Variants in XKR9 observed in about 807,000 individuals in gnomAD.
XKR9 encodes XK related 9.
A neutral mutation model predicts 32.0 loss-of-function variants in XKR9; 32 were observed. The observed-to-expected ratio is 1.00, with a 90% confidence interval of 0.76 to 1.34. The LOEUF is 1.34. Among genes scored for constraint, XKR9 ranks in the 40% most tolerant of loss-of-function variants. The probability of loss-of-function intolerance (pLI) is 0.00; values close to 1 mark genes in which losing one functional copy is unlikely to be tolerated. For synonymous variants in XKR9, 168 were observed against 143.4 expected, an observed-to-expected ratio of 1.17 and a Z score of -1.22; for missense variants, 546 against 429.7, an observed-to-expected ratio of 1.27 and a Z score of -2.39.
chr8:70,847,385 A>T, the XKR9 span, among the ~76,000 whole-genome samples: 2 of 152,018 alleles, frequency 1.3e-5, no homozygotes, highest in Admixed American at 6.6e-5. Context: ...CTACAACAAG[A>T]AAGTAAATAT....
chr8:70,811,896 A>C, the XKR9 span, among the ~76,000 whole-genome samples: 9 of 152,202 alleles, frequency 5.9e-5, no homozygotes, highest in East Asian at 3.9e-4. Flanking sequence ...TTCTGAAACT[A>C]TTCCAATCAA....
intron 3 of XKR9, among the ~76,000 whole-genome samples, chr8:70,696,102 GT>G (rs1339644751): frequency 6.6e-6 from 1 of 151,314 alleles, no homozygotes; most frequent in Non-Finnish European, 1.5e-5. Context: ...AGATGAGTAG[GT>G]TGCAAAAATT....
chr8:70,672,715 C>T (rs1206260023), intron 1 of XKR9, among the ~76,000 whole-genome samples: 4 of 152,056 alleles, frequency 2.6e-5, no homozygotes, highest in African/African-American at 4.8e-5. Flanking sequence ...TTCTCTACAT[C>T]CTCTGCAGCA....
At chr8:70,929,353 C>A in the XKR9 span, among the ~76,000 whole-genome samples, 158 of 152,226 alleles carry the variant, frequency 1.0e-3, 1 homozygote, top group Middle Eastern at 6.8e-3. Context: ...GAGTATAGAT[C>A]CAGAAAATTT....
the XKR9 span, among the ~76,000 whole-genome samples, chr8:70,971,448 C>A: frequency 6.6e-6 from 1 of 152,074 alleles, no homozygotes; most frequent in South Asian, 2.1e-4. Context: ...TTTTGCTGTG[C>A]AGAAAGTTTT....
At chr8:70,826,340 CA>C in the XKR9 span, among the ~76,000 whole-genome samples, 1 of 152,082 alleles carries the variant, frequency 6.6e-6, no homozygotes, top group African/African-American at 2.4e-5. Flanking sequence ...CTATTATTAG[CA>C]AAAACAAACA....
intron 2 of XKR9, among the ~76,000 whole-genome samples, chr8:70,742,465 T>C (rs1807001780): frequency 6.6e-6 from 1 of 152,250 alleles, no homozygotes; most frequent in African/African-American, 2.4e-5. Context: ...CCTAAAGACT[T>C]TGAATCATAA....
chr8:70,698,314 G>T (rs1198450216), intron 3 of XKR9, among the ~76,000 whole-genome samples: 1 of 151,974 alleles, frequency 6.6e-6, no homozygotes, highest in Non-Finnish European at 1.5e-5. Context: ...TTTCTCTTGT[G>T]GGCATTTAGT....
At chr8:70,712,397 A>G (rs268647) in intron 4 of XKR9, among the ~76,000 whole-genome samples, 13,120 of 152,080 alleles carry the variant, frequency 0.086, 1,156 homozygotes, top group Admixed American at 0.27. Flanking sequence ...AGGCAATTAT[A>G]CTCTGAGGGT....
At chr8:70,776,044 C>A (rs1381626993) in intron 2 of XKR9, among the ~76,000 whole-genome samples, 1 of 152,128 alleles carries the variant, frequency 6.6e-6, no homozygotes, top group Non-Finnish European at 1.5e-5. Context: ...CTGCCCCCAA[C>A]CTGGTCTTTT....
At chr8:71,043,615 A>G in the XKR9 span, among the ~76,000 whole-genome samples, 2 of 152,188 alleles carry the variant, frequency 1.3e-5, no homozygotes, top group Non-Finnish European at 2.9e-5. Flanking sequence ...TGAGTCATGA[A>G]TACCTAGAGT....
intron 3 of XKR9, chr8:70,790,017 T>C (rs1188351274): frequency 6.6e-6 from 1 of 151,380 alleles, no homozygotes; most frequent in Non-Finnish European, 1.5e-5. Flanking sequence ...CTCACTGTGC[T>C]CATTGTCCCA....
intron 2 of XKR9, among the ~76,000 whole-genome samples, chr8:70,775,936 G>A (rs1156698070): frequency 6.6e-6 from 1 of 151,886 alleles, no homozygotes; most frequent in Non-Finnish European, 1.5e-5. Flanking sequence ...TGTCGAGATG[G>A]GGTCTTGCCA....
At chr8:70,681,896 G>A (rs962039940) in intron 3 of XKR9, among the ~76,000 whole-genome samples, 4 of 151,976 alleles carry the variant, frequency 2.6e-5, no homozygotes, top group African/African-American at 9.7e-5. Flanking sequence ...ATTACTTTAA[G>A]TGATTCTACT....
intron 2 of XKR9, among the ~76,000 whole-genome samples, chr8:70,753,738 A>T (rs1204516060): frequency 6.6e-6 from 1 of 151,960 alleles, no homozygotes; most frequent in Non-Finnish European, 1.5e-5. Context: ...AAAACTCTCA[A>T]TAAATTAGGT....
At chr8:70,931,926 C>G in the XKR9 span, among the ~76,000 whole-genome samples, 1 of 152,146 alleles carries the variant, frequency 6.6e-6, no homozygotes, top group African/African-American at 2.4e-5. Context: ...CACTGAGGAT[C>G]ACATTTCAAC....
the XKR9 span, among the ~76,000 whole-genome samples, chr8:70,981,415 C>T: frequency 6.6e-6 from 1 of 152,010 alleles, no homozygotes; most frequent in Non-Finnish European, 1.5e-5. Flanking sequence ...CTTTCTTCTG[C>T]TTGTTCAGTT....
chr8:70,760,934 G>A (rs1200507970), intron 2 of XKR9, among the ~76,000 whole-genome samples: 1 of 152,102 alleles, frequency 6.6e-6, no homozygotes, highest in Non-Finnish European at 1.5e-5. Flanking sequence ...TCATCATTTA[G>A]CTCCCACTTA....
intron 4 of XKR9, among the ~76,000 whole-genome samples, chr8:70,718,719 C>G (rs1806174261): frequency 6.6e-6 from 1 of 152,158 alleles, no homozygotes; most frequent in Non-Finnish European, 1.5e-5. Context: ...TCCAGTCTAT[C>G]ATTGATGAGC....
Sources: gnomAD v4.1 joint callset for allele counts (sites outside exome capture counted in the v4.1 genomes callset) on GRCh38, gnomAD v4.1.1 for gene constraint, MANE v1.5 for transcripts, NCBI Gene and HGNC (gene_info 2026-07-23, HGNC 2026-07-21) for gene names.